Variants in PTCHD4 observed in about 807,000 individuals in gnomAD.
The protein encoded by PTCHD4 is patched domain-containing protein 4.
In PTCHD4, 33 loss-of-function variants were observed where a neutral mutation model predicts 58.1. The observed-to-expected ratio is 0.57, with a 90% CI of 0.43 to 0.76. The LOEUF (loss-of-function observed/expected upper bound fraction) is 0.76. Ranked by LOEUF, PTCHD4 falls within the 30% of genes least tolerant of loss-of-function variation. The pLI is 0.00. For missense variants in PTCHD4, 1,058 were observed against 1,027.1 expected, an observed-to-expected ratio of 1.03 and a Z score of -0.41; for synonymous variants, 478 against 409.6, an observed-to-expected ratio of 1.17 and a Z score of -2.02.
At chr6:48,014,112 A>C (rs949630677) in intron 3 of PTCHD4, among the ~76,000 whole-genome samples, 1 of 152,138 alleles carries the variant, frequency 6.6e-6, no homozygotes, top group South Asian at 2.1e-4. Context: ...AAATAGAAAG[A>C]ATTTCTTACT....
At chr6:48,095,630 A>C (rs1053239556) in intron 1 of PTCHD4, among the ~76,000 whole-genome samples, 1 of 152,056 alleles carries the variant, frequency 6.6e-6, no homozygotes, top group Non-Finnish European at 1.5e-5. Context: ...CAGAGCTTGC[A>C]CTGAGCCAAG....
intron 1 of PTCHD4, among the ~76,000 whole-genome samples, chr6:48,109,896 T>C (rs997750748): frequency 6.6e-6 from 1 of 152,118 alleles, no homozygotes; most frequent in East Asian, 1.9e-4. Context: ...CTCACACCTA[T>C]TGGGATGGCT....
intron 1 of PTCHD4, among the ~76,000 whole-genome samples, chr6:48,079,767 A>C (rs1765128051): frequency 6.6e-6 from 1 of 151,870 alleles, no homozygotes; most frequent in Non-Finnish European, 1.5e-5. Flanking sequence ...CCTGGGGTGG[A>C]GTGCTTCCAC....
chr6:48,085,826 A>G (rs563750869), intron 1 of PTCHD4, among the ~76,000 whole-genome samples: 2 of 152,124 alleles, frequency 1.3e-5, no homozygotes, highest in Admixed American at 1.3e-4. Context: ...CTGTTTATCT[A>G]TGAGTTAGGG....
intron 4 of PTCHD4, among the ~76,000 whole-genome samples, chr6:47,919,948 C>A (rs372215807): frequency 1.6e-4 from 25 of 152,186 alleles, no homozygotes; most frequent in African/African-American, 6.0e-4. Context: ...ACTTTAGGAT[C>A]TGAACCTTAC....
intron 4 of PTCHD4, among the ~76,000 whole-genome samples, chr6:47,958,392 A>G (rs1766952944): frequency 6.6e-6 from 1 of 152,208 alleles, no homozygotes; most frequent in Non-Finnish European, 1.5e-5. Context: ...TGGATAAACT[A>G]TATGAAATAG....
chr6:48,002,370 C>A (rs1313108661), intron 4 of PTCHD4, among the ~76,000 whole-genome samples: 1 of 152,070 alleles, frequency 6.6e-6, no homozygotes, highest in South Asian at 2.1e-4. Context: ...AAATGTCCAA[C>A]AATGATAGAC....
intron 4 of PTCHD4, among the ~76,000 whole-genome samples, chr6:47,926,797 G>A (rs1765637065): frequency 6.6e-6 from 1 of 152,178 alleles, no homozygotes; most frequent in Admixed American, 6.5e-5. Context: ...AGTAACATCT[G>A]CCTTCAGGGT....
intron 1 of PTCHD4, among the ~76,000 whole-genome samples, chr6:48,078,471 A>C (rs1341396867): frequency 2.6e-5 from 4 of 152,246 alleles, no homozygotes; most frequent in Non-Finnish European, 2.9e-5. Context: ...GGATCAATGC[A>C]CAAAGATGAC....
chr6:48,107,393 G>T (rs574331647), intron 1 of PTCHD4, among the ~76,000 whole-genome samples: 1 of 152,198 alleles, frequency 6.6e-6, no homozygotes, highest in Non-Finnish European at 1.5e-5. Flanking sequence ...AAACTGGCTA[G>T]CCATATGTAG....
rs139189987 is a variant in PTCHD4 at position 47,976,095 on chromosome 6, G to A, written c.898+32539C>T. 5.4e-3 allele frequency among the ~76,000 whole-genome samples: 829 copies of A among 152,254 alleles called. 3 individuals carry two copies. The highest frequency in any genetic ancestry group is 0.031 in the Middle Eastern group (9 of 294). The stretch of plus-strand genomic sequence containing the variant: ...TTCCTGAAACTGCTATGCCATTGAT[G>A]TTGTTCACTCAGCTTGTTGCTGGAG... On this transcript the variant is annotated intron_variant, in intron 4 of 4. Coordinates refer to ENST00000339488, the MANE Select transcript of PTCHD4 (RefSeq NM_001384253.1).
intron 4 of PTCHD4, among the ~76,000 whole-genome samples, chr6:48,004,984 A>G (rs1400069079): frequency 1.3e-5 from 2 of 152,172 alleles, no homozygotes; most frequent in Non-Finnish European, 2.9e-5. Flanking sequence ...GACTGCATGC[A>G]CCTCTAATAA....
At chr6:47,894,709 G>T (rs1764481500) in intron 4 of PTCHD4, among the ~76,000 whole-genome samples, 1 of 152,226 alleles carries the variant, frequency 6.6e-6, no homozygotes, top group African/African-American at 2.4e-5. Flanking sequence ...CAGTAGAAAT[G>T]AAGTCAATCA....
At chr6:47,960,739 T>G (rs1456699388) in intron 4 of PTCHD4, among the ~76,000 whole-genome samples, 1 of 151,714 alleles carries the variant, frequency 6.6e-6, no homozygotes, top group Non-Finnish European at 1.5e-5. Context: ...CTAACAGTAA[T>G]TAGAAAGACA....
chr6:47,888,628 G>T (rs1180424895), intron 4 of PTCHD4, among the ~76,000 whole-genome samples: 1 of 151,542 alleles, frequency 6.6e-6, no homozygotes, highest in Non-Finnish European at 1.5e-5. Context: ...TTATTTTGTA[G>T]TTTTTTGTTT....
intron 3 of PTCHD4, among the ~76,000 whole-genome samples, chr6:48,029,397 A>G (rs1763359758): frequency 6.6e-6 from 1 of 152,102 alleles, no homozygotes; most frequent in Non-Finnish European, 1.5e-5. Context: ...AACTAATGAA[A>G]AAACTGATGG....
chr6:47,999,832 A>T (rs1768651696), intron 4 of PTCHD4, among the ~76,000 whole-genome samples: 1 of 152,218 alleles, frequency 6.6e-6, no homozygotes, highest in Non-Finnish European at 1.5e-5. Context: ...ACCCAGAAAG[A>T]ACCATAATAT....
intron 3 of PTCHD4, among the ~76,000 whole-genome samples, chr6:48,049,070 T>C (rs1347910280): frequency 2.0e-5 from 3 of 152,000 alleles, no homozygotes; most frequent in Admixed American, 6.6e-5. Flanking sequence ...CTGTGAGAAC[T>C]ATTTCACTCA....
Position 47,878,435 on chromosome 6 carries a change from T to A in PTCHD4, c.2400A>T (p.Leu800Phe). The change falls in exon 5 of 5, where the codon TTA becomes TTT. Residue 800 changes from leucine to phenylalanine, a missense_variant. Leu to Phe is a conservative substitution (Grantham distance 22). Transcript: ENST00000339488. ...GCTLLHCFVI[L>F]PVFLTFFPPS... ...GGGGGAAAAACGTTAGGAACACAGGTAAAATAACAAAACAGTGCAGAAGTG... is the reference window on the plus strand; with the variant it reads ...GGGGGAAAAACGTTAGGAACACAGGAAAAATAACAAAACAGTGCAGAAGTG... 1.2e-6 allele frequency: 2 copies of A among 1,613,320 alleles called. No homozygotes were observed. The highest frequency in any genetic ancestry group is 1.7e-6 in the Non-Finnish European group (2 of 1,179,644).
Sources: allele counts gnomAD v4.1 joint callset (sites outside exome capture counted in the v4.1 genomes callset), GRCh38; gene constraint gnomAD v4.1.1; transcripts MANE v1.5; gene names NCBI Gene and HGNC (gene_info 2026-07-23, HGNC 2026-07-21).